Variants in HIBADH observed in about 807,000 individuals in gnomAD.
The protein encoded by HIBADH is 3-hydroxyisobutyrate dehydrogenase, also known as 3-hydroxyisobutyrate dehydrogenase, mitochondrial.
HIBADH carries 25 observed loss-of-function variants against 36.1 expected under a neutral mutation model. The observed-to-expected ratio is 0.69, with a 90% CI of 0.50 to 0.97. The LOEUF is 0.97. HIBADH is among the 50% of genes least tolerant of loss of function. The pLI is 0.00. For missense variants in HIBADH, 421 were observed against 418.0 expected, an observed-to-expected ratio of 1.01 and a Z score of -0.06; for synonymous variants, 160 against 149.5, an observed-to-expected ratio of 1.07 and a Z score of -0.51.
intron 2 of HIBADH, among the ~76,000 whole-genome samples, chr7:27,640,804 T>C (rs948415970): frequency 6.6e-6 from 1 of 152,226 alleles, no homozygotes; most frequent in Admixed American, 6.5e-5. Flanking sequence ...ATGTACTGAA[T>C]ACTGTAGGCA....
At chr7:27,567,073 T>C (rs964036919) in intron 4 of HIBADH, among the ~76,000 whole-genome samples, 1 of 152,160 alleles carries the variant, frequency 6.6e-6, no homozygotes. Flanking sequence ...AATTCTTTTA[T>C]ATTGTTGTTG....
intron 6 of HIBADH, among the ~76,000 whole-genome samples, chr7:27,537,385 G>A (rs866197563): frequency 6.6e-6 from 1 of 152,076 alleles, no homozygotes; most frequent in South Asian, 2.1e-4. Context: ...GAGGAAATGT[G>A]AATCCATTAC....
chr7:27,612,824 T>G (rs1271010363), intron 4 of HIBADH, among the ~76,000 whole-genome samples: 1 of 149,180 alleles, frequency 6.7e-6, no homozygotes, highest in East Asian at 2.0e-4. Flanking sequence ...TAGTCCTAGA[T>G]ATTCCAGAGA....
intron 4 of HIBADH, among the ~76,000 whole-genome samples, chr7:27,618,791 G>A (rs1785482118): frequency 6.6e-6 from 1 of 152,168 alleles, no homozygotes; most frequent in Admixed American, 6.5e-5. Context: ...TTTTCTCATA[G>A]TGGAAGGCAA....
intron 2 of HIBADH, among the ~76,000 whole-genome samples, chr7:27,646,856 T>C (rs1468692004): frequency 6.6e-6 from 1 of 151,934 alleles, no homozygotes; most frequent in Non-Finnish European, 1.5e-5. Flanking sequence ...CCACCGCGCC[T>C]GGCTAATTTT....
At chr7:27,624,221 G>A (rs62454876) in intron 4 of HIBADH, among the ~76,000 whole-genome samples, 30,869 of 151,896 alleles carry the variant, frequency 0.2, 4,127 homozygotes, top group East Asian at 0.53. Flanking sequence ...AAATTTGTAC[G>A]GACCAGAAAA....
intron 2 of HIBADH, among the ~76,000 whole-genome samples, chr7:27,636,473 G>C (rs571938847): frequency 6.6e-6 from 1 of 152,342 alleles, no homozygotes; most frequent in East Asian, 1.9e-4. Context: ...GGTCAACAAT[G>C]ATGGAGCCCA....
intron 4 of HIBADH, among the ~76,000 whole-genome samples, chr7:27,589,420 C>T (rs1784909578): frequency 1.3e-5 from 2 of 152,178 alleles, no homozygotes; most frequent in Admixed American, 6.5e-5. Context: ...TTCACATTTT[C>T]CCCTTAATAA....
At chr7:27,615,255 G>A (rs1562644646) in intron 4 of HIBADH, among the ~76,000 whole-genome samples, 3 of 152,160 alleles carry the variant, frequency 2.0e-5, no homozygotes, top group African/African-American at 7.2e-5. Context: ...ACTGAAGGGA[G>A]GAAGGTGTGA....
intron 4 of HIBADH, among the ~76,000 whole-genome samples, chr7:27,600,138 T>C (rs11761773): frequency 0.093 from 14,179 of 152,216 alleles, 922 homozygotes; most frequent in Non-Finnish European, 0.14. Flanking sequence ...TTTTCCCATA[T>C]CATCTCTCCT....
At chr7:27,585,150 G>A (rs1054635200) in intron 4 of HIBADH, among the ~76,000 whole-genome samples, 2 of 151,800 alleles carry the variant, frequency 1.3e-5, no homozygotes, top group Admixed American at 6.6e-5. Flanking sequence ...ATACAGGTGT[G>A]CATGTTTTTT....
chr7:27,631,916 A>C (rs576440421), intron 3 of HIBADH, among the ~76,000 whole-genome samples: 8 of 152,126 alleles, frequency 5.3e-5, no homozygotes, highest in Non-Finnish European at 8.8e-5. Flanking sequence ...ACAGGACATA[A>C]CTTTTTTTCG....
intron 4 of HIBADH, among the ~76,000 whole-genome samples, chr7:27,626,128 A>AAAAAAATT: frequency 6.9e-6 from 1 of 145,978 alleles, no homozygotes; most frequent in African/African-American, 2.5e-5. Context: ...AAAAAAAAAG[A>AAAAAAATT]TGTACAGTTT....
chr7:27,542,241 G>A (rs1359571757), intron 5 of HIBADH, among the ~76,000 whole-genome samples: 1 of 150,996 alleles, frequency 6.6e-6, no homozygotes, highest in African/African-American at 2.4e-5. Flanking sequence ...TATATCTATG[G>A]AAAAAAAATA....
intron 4 of HIBADH, among the ~76,000 whole-genome samples, chr7:27,560,495 T>C (rs1250368037): frequency 6.6e-6 from 1 of 152,224 alleles, no homozygotes; most frequent in Non-Finnish European, 1.5e-5. Context: ...CATGGATGAA[T>C]TGTATAGTGG....
chr7:27,560,604 T>G (rs527654383), intron 4 of HIBADH, among the ~76,000 whole-genome samples: 1 of 152,326 alleles, frequency 6.6e-6, no homozygotes, highest in African/African-American at 2.4e-5. Context: ...GCCTTTAATA[T>G]AATTTTGTTT....
chr7:27,540,933 T>C (rs1243807831), intron 5 of HIBADH, among the ~76,000 whole-genome samples: 1 of 152,190 alleles, frequency 6.6e-6, no homozygotes, highest in Non-Finnish European at 1.5e-5. Context: ...CCAGGCCTTC[T>C]TGCTGTACAA....
chr7:27,549,393 CAATT>C (rs971915492), intron 4 of HIBADH, among the ~76,000 whole-genome samples: 41 of 151,946 alleles, frequency 2.7e-4, no homozygotes, highest in African/African-American at 8.4e-4. Context: ...CAATTTTTGT[CAATT>C]AAAAAATGAA....
At chr7:27,573,770 C>CTAGCTATAT (rs1784663341) in intron 4 of HIBADH, among the ~76,000 whole-genome samples, 2 of 152,054 alleles carry the variant, frequency 1.3e-5, no homozygotes, top group African/African-American at 4.8e-5. Context: ...TTCAGATGTG[C>CTAGCTATAT]TTTAAGTGTA....
Sources: allele counts gnomAD v4.1 joint callset (sites outside exome capture counted in the v4.1 genomes callset), GRCh38; gene constraint gnomAD v4.1.1; transcripts MANE v1.5; gene names NCBI Gene and HGNC (gene_info 2026-07-23, HGNC 2026-07-21).